The following FOXN3 variants were observed in gnomAD, a reference collection of about 807,000 sequenced individuals.
FOXN3 encodes the protein forkhead box N3.
A neutral mutation model predicts 38.4 loss-of-function variants in FOXN3; 7 were observed. That is an observed-to-expected ratio of 0.18 (90% confidence interval 0.10 to 0.34). FOXN3 has a LOEUF of 0.34. Among genes scored for constraint, FOXN3 ranks in the 10% least tolerant of loss-of-function variants. FOXN3 has a pLI of 1.00. For synonymous variants in FOXN3, 230 were observed against 242.2 expected (o/e 0.95, Z 0.47); for missense variants, 456 against 613.4 (o/e 0.74, Z 2.71).
At chr14:89,498,132 G>A (rs967160669) in intron 1 of FOXN3, among the ~76,000 whole-genome samples, 1 of 138,382 alleles carries the variant, frequency 7.2e-6, no homozygotes, top group East Asian at 1.9e-4. Flanking sequence ...TAGGTATTCT[G>A]GATATTTATC....
intron 1 of FOXN3, among the ~76,000 whole-genome samples, chr14:89,599,514 T>C (rs2139937127): frequency 6.6e-6 from 1 of 152,344 alleles, no homozygotes; most frequent in Non-Finnish European, 1.5e-5. Flanking sequence ...CATATTTGAT[T>C]ATCTATTATC....
At chr14:89,465,497 C>G (rs1321245238) in intron 1 of FOXN3, among the ~76,000 whole-genome samples, 1 of 152,220 alleles carries the variant, frequency 6.6e-6, no homozygotes, top group Non-Finnish European at 1.5e-5. Flanking sequence ...GCTGGGATTA[C>G]AGGCGTGAGC....
intron 1 of FOXN3, among the ~76,000 whole-genome samples, chr14:89,607,558 TAAA>T (rs754121458): frequency 4.9e-5 from 6 of 122,016 alleles, no homozygotes; most frequent in Admixed American, 8.3e-5. Context: ...GACCGTGTCT[TAAA>T]AAAAAAAAAA....
At chr14:89,386,974 G>A in intron 2 of FOXN3, among the ~76,000 whole-genome samples, 1 of 152,118 alleles carries the variant, frequency 6.6e-6, no homozygotes, top group Non-Finnish European at 1.5e-5. Context: ...AAATTGGGGG[G>A]TGCCAGGCAT....
rs143252720 is a variant in FOXN3 at position 89,355,425 on chromosome 14, C to T, written c.544-4617G>A. Among the ~76,000 whole-genome samples the T allele has an allele frequency of 7.9e-3, 1,190 of 151,536 alleles. 46 individuals are homozygous for T. The highest frequency in any genetic ancestry group is 0.064 in the Admixed American group (969 of 15,208). ...TTTTTTTTTGTATTTTTAGTAGAGA[C>T]GGGGTTTCGCCATATTGGCCAGGCT... On this transcript the variant is annotated intron_variant, in intron 2 of 5. Coordinates refer to ENST00000557258, the MANE Select transcript of FOXN3 (RefSeq NM_005197.4).
In FOXN3 at chr14:89,547,974, C is replaced by T. The variant is rs867951811; in HGVS notation, c.-15+71054G>A. Among the ~76,000 whole-genome samples, 12 of 152,274 alleles carry T rather than the reference C, an allele frequency of 7.9e-5. 2 individuals carry two copies. In the Middle Eastern group the frequency reaches 0.017, roughly 216 times the overall value. On this transcript the variant is annotated intron_variant, in intron 1 of 6. Coordinates refer to the FOXN3 transcript ENST00000345097. ...TCTCCTCTAGGAAATCTCAGGAAGC[C>T]AGTCTCTAACCCTAGGAGAGAAAGT...
intron 1 of FOXN3, among the ~76,000 whole-genome samples, chr14:89,470,072 A>G (rs889721657): frequency 6.6e-6 from 1 of 152,234 alleles, no homozygotes; most frequent in Non-Finnish European, 1.5e-5. Flanking sequence ...TCGTGGTTTC[A>G]TCTTGATTGG....
Position 89,369,272 on chromosome 14 carries a change from T to G in FOXN3, c.544-18464A>C, listed in dbSNP as rs536027187. Among the ~76,000 whole-genome samples, 8 of 152,318 alleles carry G rather than the reference T, an allele frequency of 5.3e-5. No individual in the cohort carries two copies. The South Asian group carries it at 1.2e-3, about 24-fold the overall frequency. ...ATACTGCTGAGTCACCTGGCCTAAG[T>G]GTCAGTCCAGCTTGGAACTTAGAGT... On this transcript the variant is annotated intron_variant, in intron 2 of 5. Transcript: ENST00000557258.
At chr14:89,207,051 A>T (rs1596103288) in intron 4 of FOXN3, among the ~76,000 whole-genome samples, 1 of 152,174 alleles carries the variant, frequency 6.6e-6, no homozygotes, top group East Asian at 1.9e-4. Context: ...AGAGAAAAAG[A>T]CAGTGGTAGA....
chr14:89,569,695 G>T (rs77830609), intron 1 of FOXN3, among the ~76,000 whole-genome samples: 9,442 of 152,210 alleles, frequency 0.062, 691 homozygotes, highest in African/African-American at 0.16. Context: ...AAAACTAGTT[G>T]CTGCCTTTAA....
chr14:89,417,890 C>T (rs1466962166), upstream of FOXN3: 4 of 369,504 alleles, frequency 1.1e-5, no homozygotes, highest in Middle Eastern at 9.0e-4. Context: ...CTAAAGGCCA[C>T]GCCGGTGGGG....
chr14:89,468,271 T>A (rs1026360978), intron 1 of FOXN3, among the ~76,000 whole-genome samples: 1 of 151,984 alleles, frequency 6.6e-6, no homozygotes, highest in Non-Finnish European at 1.5e-5. Flanking sequence ...CTGGCCAACG[T>A]GGTGAAACCC....
chr14:89,328,120 G>A (rs892311733), intron 3 of FOXN3, among the ~76,000 whole-genome samples: 3 of 152,244 alleles, frequency 2.0e-5, no homozygotes, highest in Admixed American at 6.5e-5. Context: ...TTGTACAGAT[G>A]ACCGAAAGCA....
At chr14:89,219,616 C>T (rs143372453) in intron 4 of FOXN3, among the ~76,000 whole-genome samples, 19 of 152,318 alleles carry the variant, frequency 1.2e-4, no homozygotes, top group African/African-American at 3.8e-4. Context: ...ACTCTTACCA[C>T]GTACTGGAAG....
chr14:89,291,332 G>A (rs1886865464), intron 3 of FOXN3: 1 of 547,740 alleles, frequency 1.8e-6, no homozygotes, highest in African/African-American at 1.9e-5. Context: ...TGTTGGTCAT[G>A]AGATGCCATC....
At chr14:89,312,303 A>AAAAAAAAAAAAAAAAC in intron 3 of FOXN3, among the ~76,000 whole-genome samples, 1 of 150,552 alleles carries the variant, frequency 6.6e-6, no homozygotes, top group Non-Finnish European at 1.5e-5. Context: ...AAAAAAAAAG[A>AAAAAAAAAAAAAAAAC]AGCCAAGGCC....
Position 89,161,079 on chromosome 14 carries a change from A to T in FOXN3, c.*1335T>A, listed in dbSNP as rs1293784743. On this transcript the variant is annotated 3_prime_UTR_variant, in exon 6 of 6. Transcript: ENST00000557258. The stretch of plus-strand genomic sequence containing the variant: ...TCATGCTAAATACATTATTTACCTT[A>T]CAAGAACTTTGTTACTTTTGAATAA... 2 of 152,424 alleles carry T rather than the reference A, an allele frequency of 1.3e-5. No homozygotes were observed. Among genetic ancestry groups the T allele is most frequent in the Non-Finnish European group, 2.9e-5 (2 of 68,026 alleles). 9.4% of individuals were successfully genotyped at this position (152,424 alleles called of 1,614,324 possible).
chr14:89,459,858 G>A (rs1892803567), intron 1 of FOXN3, among the ~76,000 whole-genome samples: 1 of 152,106 alleles, frequency 6.6e-6, no homozygotes, highest in Non-Finnish European at 1.5e-5. Context: ...GGTGCCCAAG[G>A]CCAGATGAAC....
Position 89,446,325 on chromosome 14 carries a change from A to T in FOXN3, c.-14-33835T>A, listed in dbSNP as rs913004815. Among the ~76,000 whole-genome samples, 3 of 150,928 alleles carry T rather than the reference A, an allele frequency of 2.0e-5. No homozygotes were observed. The East Asian group carries it at 5.9e-4, about 30-fold the overall frequency. On this transcript the variant is annotated intron_variant, in intron 1 of 6. Transcript: ENST00000345097. ...TGCCTCAGCCTCCCGAGTAGCTGGG[A>T]TTACAGGCATGCGCCACCACGCTCG...
Sources: allele counts gnomAD v4.1 joint callset (sites outside exome capture counted in the v4.1 genomes callset), GRCh38; gene constraint gnomAD v4.1.1; transcripts MANE v1.5; gene names NCBI Gene and HGNC (gene_info 2026-07-23, HGNC 2026-07-21).